DLEC1: variants seen among roughly 807,000 people sequenced by gnomAD.
DLEC1 encodes deleted in lung and esophageal cancer protein 1.
A neutral mutation model predicts 198.1 loss-of-function variants in DLEC1; 146 were observed. The ratio of observed to expected loss-of-function variants is 0.74; its 90% CI spans 0.64 to 0.85. The LOEUF (loss-of-function observed/expected upper bound fraction) is 0.85. DLEC1 is among the 40% of genes least tolerant of loss of function. The probability of loss-of-function intolerance (pLI) is 0.00; values close to 1 mark genes in which losing one functional copy is unlikely to be tolerated. For synonymous variants in DLEC1, 897 were observed against 866.8 expected, an observed-to-expected ratio of 1.03 and a Z score of -0.61; for missense variants, 2,233 against 2,220.0, an observed-to-expected ratio of 1.01 and a Z score of -0.12.
At chr3:38,061,233 C>T (rs1696666780) in intron 3 of DLEC1, among the ~76,000 whole-genome samples, 5 of 152,086 alleles carry the variant, frequency 3.3e-5, no homozygotes, top group Admixed American at 2.6e-4. Flanking sequence ...GGCCAGAGTA[C>T]AGTGGTGTGA....
chr3:38,102,707 A>C, intron 19 of DLEC1, among the ~76,000 whole-genome samples: 1 of 150,052 alleles, frequency 6.7e-6, no homozygotes, highest in African/African-American at 2.5e-5. Flanking sequence ...CAGAGCACAC[A>C]GCTAGCCTGA....
At chr3:38,120,676 C>T (rs1700404211) in intron 34 of DLEC1, 67 bp downstream of exon 34, 11 of 1,595,240 alleles carry the variant, frequency 6.9e-6, no homozygotes, top group Non-Finnish European at 9.4e-6. Context: ...CTGCTGGGGC[C>T]AGAGGAGGAA....
chr3:38,055,546 G>A (rs1350317107), intron 2 of DLEC1, among the ~76,000 whole-genome samples: 2 of 151,870 alleles, frequency 1.3e-5, no homozygotes, highest in Admixed American at 1.3e-4. Flanking sequence ...TATGGTAAAG[G>A]CATTTCCAGA....
At chr3:38,116,113 GT>G (rs1261614221) in intron 27 of DLEC1, among the ~76,000 whole-genome samples, 1 of 152,128 alleles carries the variant, frequency 6.6e-6, no homozygotes, top group Non-Finnish European at 1.5e-5. Context: ...GGAAGGGCAT[GT>G]GGGGGTTAGA....
rs139477978 is a variant in DLEC1, at chr3:38,061,164, C to CTTGT, written c.674-982_674-979dup. Among the ~76,000 whole-genome samples, 168 of 151,260 alleles carry CTTGT rather than the reference C, an allele frequency of 1.1e-3. No individual in the cohort carries two copies. The Middle Eastern group carries it at 0.014, about 12-fold the overall frequency. On this transcript the variant is annotated intron_variant, in intron 3 of 36. Coordinates refer to ENST00000308059, the MANE Select transcript of DLEC1 (RefSeq NM_007335.4). Reference sequence around the variant, plus strand: ...ATTTAACCTTTGGAGGGATGGTTTTCTTGTTTGTTTGTTTGTTTGTTTGTT... The same window carrying CTTGT: ...ATTTAACCTTTGGAGGGATGGTTTTCTTGTTTGTTTGTTTGTTTGTTTGTTTGTT...
At position 38,100,301 on chromosome 3, in the gene DLEC1, A is replaced by C; in HGVS notation, c.2740A>C (p.Ile914Leu). Residue 914 changes from isoleucine (I) to leucine (L), a missense_variant, in exon 19 of 37, where the codon ATT becomes CTT. Physicochemically the swap from Ile to Leu is conservative, Grantham distance 5. Transcript: ENST00000308059. The part of the protein sequence containing the change: ...ERPEDVSPFD[I>L]EPSSGQLHSL... ...TCCGGGGCAGGTGTCTCCCTTCGAC[A>C]TTGAGCCTTCGAGTGGCCAGCTTCA... The C allele has an allele frequency of 6.2e-7, 1 of 1,612,000 alleles. No individual in the cohort carries two copies. Among genetic ancestry groups the C allele is most frequent in the South Asian group, 1.1e-5 (1 of 90,836 alleles).
intron 27 of DLEC1, among the ~76,000 whole-genome samples, chr3:38,115,517 G>A (rs1700106969): frequency 6.6e-6 from 1 of 152,142 alleles, no homozygotes; most frequent in Non-Finnish European, 1.5e-5. Context: ...AAGAGGAAGG[G>A]TAAGCCGATG....
At chr3:38,084,563 G>GGTGGTGGTAGTA (rs1698321069) in intron 7 of DLEC1, among the ~76,000 whole-genome samples, 1 of 58,774 alleles carries the variant, frequency 1.7e-5, no homozygotes, top group African/African-American at 5.7e-5. Context: ...TAGTAGTAGT[G>GGTGGTGGTAGTA]GTAGTAGTAG....
In DLEC1 at chr3:38,117,885, T is replaced by G; in HGVS notation, c.4565T>G (p.Val1522Gly). 1 of 1,614,038 alleles carries G rather than the reference T, an allele frequency of 6.2e-7. No homozygotes were observed. Among genetic ancestry groups the G allele is most frequent in the Non-Finnish European group, 8.5e-7 (1 of 1,179,970 alleles). Residue 1522 changes from valine (V) to glycine (G), a missense_variant, in exon 33 of 37, where the codon GTC becomes GGC. Coordinates refer to ENST00000308059, the MANE Select transcript of DLEC1 (RefSeq NM_007335.4). ...TEIPHYFRLM[V>G]SRPFSVSQDG... ...ATCCCACACTACTTCCGGCTTATGG[T>G]CTCCAGGCCCTTCTCCGTTTCTCAA...
At chr3:38,072,942 A>G (rs972194033) in intron 6 of DLEC1, among the ~76,000 whole-genome samples, 12 of 152,306 alleles carry the variant, frequency 7.9e-5, no homozygotes, top group Admixed American at 7.8e-4. Context: ...AAGGTCATCA[A>G]TATATTGAAT....
At chr3:38,072,920 G>T (rs948397976) in intron 6 of DLEC1, among the ~76,000 whole-genome samples, 9 of 152,086 alleles carry the variant, frequency 5.9e-5, no homozygotes, top group South Asian at 2.1e-4. Context: ...CAAAGGAGGG[G>T]CTACAAAGAA....
At chr3:38,097,664 G>A in intron 17 of DLEC1, 27 bp downstream of exon 17, 3 of 1,614,098 alleles carry the variant, frequency 1.9e-6, no homozygotes, top group Non-Finnish European at 8.5e-7. Context: ...TGGGCAGTGG[G>A]GTGGGCCCAG....
chr3:38,085,071 C>T (rs1013957432), intron 7 of DLEC1, among the ~76,000 whole-genome samples: 1 of 152,220 alleles, frequency 6.6e-6, no homozygotes, highest in African/African-American at 2.4e-5. Context: ...TCATTTCCCC[C>T]CAGGCTCTGG....
chr3:38,085,521 G>A, intron 8 of DLEC1, 74 bp downstream of exon 8: 2 of 1,560,610 alleles, frequency 1.3e-6, no homozygotes, highest in South Asian at 2.3e-5. Flanking sequence ...CTGCCTCTCA[G>A]GTTCCCTTTG....
intron 6 of DLEC1, among the ~76,000 whole-genome samples, chr3:38,070,429 C>T (rs890208873): frequency 2.0e-5 from 3 of 152,100 alleles, no homozygotes; most frequent in Non-Finnish European, 4.4e-5. Context: ...CTGGTTGTTG[C>T]GAGGTTGAGG....
intron 21 of DLEC1, among the ~76,000 whole-genome samples, chr3:38,109,057 G>A (rs993197264): frequency 5.3e-5 from 8 of 152,340 alleles, no homozygotes; most frequent in African/African-American, 1.7e-4. Context: ...GGGGATGGCC[G>A]GCCTGAGCTC....
chr3:38,085,209 C>G, intron 7 of DLEC1, 65 bp from the exon 8 acceptor site: 1 of 1,575,638 alleles, frequency 6.3e-7, no homozygotes, highest in Non-Finnish European at 8.7e-7. Flanking sequence ...TCTGTACCAG[C>G]TGAGCTCAAG....
In DLEC1 at chr3:38,059,748, G is replaced by GT; in HGVS notation, c.570dup (p.Val191CysfsTer34). ...CCCCTTCCCTTCTATGAAGTGAAGA[G>GT]TGTCTCCAGATGGTGTATAGACAGC... is the stretch of plus-strand genomic sequence containing the variant. On this transcript the variant is annotated frameshift_variant, in exon 3 of 37. Transcript: ENST00000308059. LOFTEE classifies it high-confidence loss of function. 6.2e-7 allele frequency: 1 copy of GT among 1,613,818 alleles called. No homozygotes were observed. The highest frequency in any genetic ancestry group is 8.5e-7 in the Non-Finnish European group (1 of 1,179,832).
At chr3:38,075,155 G>A (rs912619644) in intron 6 of DLEC1, among the ~76,000 whole-genome samples, 7 of 152,066 alleles carry the variant, frequency 4.6e-5, no homozygotes, top group Non-Finnish European at 7.4e-5. Context: ...AAGATTCAAC[G>A]ACGCTTGGGG....
Sources: allele counts gnomAD v4.1 joint callset (sites outside exome capture counted in the v4.1 genomes callset), GRCh38; gene constraint gnomAD v4.1.1; transcripts MANE v1.5; gene names NCBI Gene and HGNC (gene_info 2026-07-23, HGNC 2026-07-21).